SIMC1: variants seen among roughly 807,000 people sequenced by gnomAD.
SIMC1 encodes SUMO-interacting motif-containing protein 1.
A neutral mutation model predicts 82.3 loss-of-function variants in SIMC1; 55 were observed. The observed-to-expected ratio is 0.67, with a 90% CI of 0.54 to 0.84. The LOEUF (loss-of-function observed/expected upper bound fraction) is 0.84. Ranked by LOEUF, SIMC1 falls within the 40% of genes least tolerant of loss-of-function variation. SIMC1 has a pLI of 0.00. For synonymous variants in SIMC1, 353 were observed against 426.3 expected (o/e 0.83, Z 2.12); for missense variants, 915 against 1,107.2 (o/e 0.83, Z 2.46).
At chr5:176,285,294 C>G (rs1230638960) in intron 1 of SIMC1, among the ~76,000 whole-genome samples, 6 of 152,150 alleles carry the variant, frequency 3.9e-5, no homozygotes, top group African/African-American at 1.2e-4. Context: ...CCACCATGAT[C>G]AAGTGGGCTT....
At chr5:176,309,934 C>T (rs1318135139) in intron 4 of SIMC1, among the ~76,000 whole-genome samples, 1 of 150,894 alleles carries the variant, frequency 6.6e-6, no homozygotes, top group East Asian at 1.9e-4. Flanking sequence ...GGCCTTGTCT[C>T]AAAAAAAAGG....
chr5:176,290,823 C>A lies in SIMC1; in HGVS notation c.1299C>A (p.Ala433=). The change falls in exon 2 of 10, where the codon GCC becomes GCA. Residue 433 remains alanine, a synonymous_variant. Coordinates refer to ENST00000429602, the MANE Select transcript of SIMC1 (RefSeq NM_001308195.2). ...CAGAGCCTGCCAAACCTGGGTCTGC[C>A]CACGTACAATCACGAACACCACAAG... ...SLSEPAKPGS[A]HVQSRTPQGG... 1.9e-6 allele frequency: 3 copies of A among 1,613,690 alleles called. No homozygotes were observed. The highest frequency in any genetic ancestry group is 2.5e-6 in the Non-Finnish European group (3 of 1,179,702).
intron 4 of SIMC1, among the ~76,000 whole-genome samples, chr5:176,306,032 T>G (rs867243272): frequency 0.35 from 5,371 of 15,376 alleles, 1,297 homozygotes; most frequent in Middle Eastern, 0.7. Flanking sequence ...GGAGGGAGGT[T>G]GGGGGGGGTC....
chr5:176,263,558 G>A, intron 1 of SIMC1: 2 of 1,387,512 alleles, frequency 1.4e-6, no homozygotes, highest in South Asian at 1.6e-5. Context: ...ATATTTTGCA[G>A]GAACTATGAG....
intron 4 of SIMC1, chr5:176,308,378 G>A (rs965625473): frequency 1.9e-6 from 3 of 1,583,758 alleles, no homozygotes; most frequent in African/African-American, 2.7e-5. Flanking sequence ...CAGAGGCAGA[G>A]AAGTTGGCTG....
chr5:176,292,101 T>G (rs1259746566), intron 2 of SIMC1, among the ~76,000 whole-genome samples: 1 of 152,148 alleles, frequency 6.6e-6, no homozygotes, highest in Non-Finnish European at 1.5e-5. Context: ...GCTTTTCCCT[T>G]CCTGGTGCCC....
chr5:176,246,011 G>T (rs936213166), intron 1 of SIMC1, among the ~76,000 whole-genome samples: 1 of 150,770 alleles, frequency 6.6e-6, no homozygotes, highest in African/African-American at 2.4e-5. Flanking sequence ...TATTTGTCAA[G>T]GTTTTTTTTT....
intron 5 of SIMC1, among the ~76,000 whole-genome samples, chr5:176,317,606 A>G (rs985190007): frequency 5.3e-5 from 8 of 152,110 alleles, no homozygotes; most frequent in Non-Finnish European, 1.2e-4. Flanking sequence ...CCTCTATATC[A>G]TTAATATATT....
chr5:176,290,495 C>T lies in SIMC1; in HGVS notation c.971C>T (p.Pro324Leu), dbSNP rs544006398. ...DVPQSPSDVS[P>L]SPDAPQSPGG... ...CCACAGTCACCAAGTGATGTTTCAC[C>T]GTCACCAGATGCACCACAGTCACCA... The change falls in exon 2 of 10, where the codon CCG becomes CTG. Residue 324 changes from proline (P) to leucine (L), a missense_variant. Coordinates refer to ENST00000429602, the MANE Select transcript of SIMC1 (RefSeq NM_001308195.2). The T allele has an allele frequency of 1.9e-5, 30 of 1,613,830 alleles. No homozygotes were observed. The highest frequency in any genetic ancestry group is 1.1e-4 in the East Asian group (5 of 44,888).
At position 176,345,346 on chromosome 5, in the gene SIMC1, A is replaced by G. The variant is rs561480482; in HGVS notation, c.2577A>G (p.Gln859=). The part of the protein sequence containing the change: ...IQMLGEPLVP[Q]LQDKVHLLKL... ...TGCTGGGGGAGCCTCTTGTCCCCCA[A>G]CTCCAAGACAAAGTGCACTTGTTGA... is the stretch of plus-strand genomic sequence containing the variant. The change falls in exon 10 of 10, where the codon CAA becomes CAG. Residue 859 remains glutamine, a synonymous_variant. Transcript: ENST00000429602. The G allele has an allele frequency of 4.1e-4, 663 of 1,613,794 alleles. 8 individuals are homozygous for G. In the South Asian group the frequency reaches 6.6e-3, roughly 16 times the overall value.
chr5:176,307,068 A>T (rs1300179249), intron 4 of SIMC1, among the ~76,000 whole-genome samples: 1 of 152,218 alleles, frequency 6.6e-6, no homozygotes, highest in Non-Finnish European at 1.5e-5. Context: ...CAATATAACT[A>T]GTTATTAGAG....
intron 1 of SIMC1, among the ~76,000 whole-genome samples, chr5:176,245,952 A>G (rs924786734): frequency 5.3e-5 from 8 of 150,952 alleles, no homozygotes; most frequent in Non-Finnish European, 1.0e-4. Context: ...TGTGGTACTT[A>G]TCAGGCATTT....
intron 1 of SIMC1, among the ~76,000 whole-genome samples, chr5:176,258,192 T>TA (rs1761909127): frequency 6.6e-6 from 1 of 152,238 alleles, no homozygotes; most frequent in African/African-American, 2.4e-5. Context: ...GGGTTAAACA[T>TA]ATCAATCATG....
intron 1 of SIMC1, among the ~76,000 whole-genome samples, chr5:176,251,577 T>C (rs1761653454): frequency 6.6e-6 from 1 of 152,022 alleles, no homozygotes. Context: ...TTGAAAATTA[T>C]TTTCTTTTCT....
At chr5:176,297,248 C>T (rs1763854193) in intron 4 of SIMC1, among the ~76,000 whole-genome samples, 2 of 152,158 alleles carry the variant, frequency 1.3e-5, no homozygotes, top group South Asian at 4.1e-4. Context: ...TGCCTGTAAT[C>T]CCAGCACTTT....
At chr5:176,293,129 C>G (rs1763654634) in intron 2 of SIMC1, among the ~76,000 whole-genome samples, 1 of 151,996 alleles carries the variant, frequency 6.6e-6, no homozygotes, top group Non-Finnish European at 1.5e-5. Context: ...ATTGTAAGAA[C>G]TAGTTGAGGA....
intron 1 of SIMC1, among the ~76,000 whole-genome samples, chr5:176,273,209 G>A (rs965372161): frequency 6.6e-6 from 1 of 152,208 alleles, no homozygotes; most frequent in Non-Finnish European, 1.5e-5. Context: ...ACCTCATACA[G>A]CCGGGTGCCC....
At chr5:176,280,526 A>C (rs1477097863) in intron 1 of SIMC1, among the ~76,000 whole-genome samples, 2 of 150,266 alleles carry the variant, frequency 1.3e-5, no homozygotes, top group East Asian at 3.9e-4. Context: ...GTTTCTTCCT[A>C]GTCTCGATGG....
At chr5:176,241,585 G>A (rs1875179) in intron 1 of SIMC1, among the ~76,000 whole-genome samples, 89,418 of 151,648 alleles carry the variant, frequency 0.59, 26,551 homozygotes, top group Middle Eastern at 0.63. Flanking sequence ...TGAAGAACAC[G>A]GGGATTAGGG....
Sources: gnomAD v4.1 joint callset for allele counts (sites outside exome capture counted in the v4.1 genomes callset) on GRCh38, gnomAD v4.1.1 for gene constraint, MANE v1.5 for transcripts, NCBI Gene and HGNC (gene_info 2026-07-23, HGNC 2026-07-21) for gene names.